The following AGGF1 variants were observed in gnomAD, a reference collection of about 807,000 sequenced individuals.
The protein encoded by AGGF1 is angiogenic factor with G patch and FHA domains 1.
In AGGF1, 56 loss-of-function variants were observed where a neutral mutation model predicts 86.5. That is an observed-to-expected ratio of 0.65 (90% CI 0.52 to 0.81). AGGF1 has a LOEUF of 0.81. Ranked by LOEUF, AGGF1 falls within the 30% of genes least tolerant of loss-of-function variation. The pLI is 0.00. For synonymous variants in AGGF1, 313 were observed against 297.1 expected, an observed-to-expected ratio of 1.05 and a Z score of -0.55; for missense variants, 816 against 850.9, an observed-to-expected ratio of 0.96 and a Z score of 0.51.
intron 5 of AGGF1, among the ~76,000 whole-genome samples, chr5:77,041,753 T>C (rs1365042466): frequency 6.6e-6 from 1 of 150,990 alleles, no homozygotes; most frequent in Non-Finnish European, 1.5e-5. Flanking sequence ...CATTCTTCTT[T>C]GAAAATGTGC....
chr5:77,048,796 G>A (rs1258917076), intron 7 of AGGF1, 140 bp from the exon 8 acceptor site: 2 of 810,454 alleles, frequency 2.5e-6, no homozygotes, highest in East Asian at 2.5e-5. Context: ...TAGCAGTAAG[G>A]AAACTGGATA....
chr5:77,063,458 G>C lies in AGGF1; in HGVS notation c.*206G>C. The C allele has an allele frequency of 3.4e-6, 2 of 582,032 alleles. No individual in the cohort carries two copies. The highest frequency in any genetic ancestry group is 6.1e-6 in the Non-Finnish European group (2 of 330,560). The allele number at this position is 582,032 out of a possible 1,614,324, so 36.1% of individuals were successfully genotyped here. ...ACTGAACCAATTTATGCAGTAAATAGACTAAAGTTCACAGGGCACGGATGA... is the reference window on the plus strand; with the variant it reads ...ACTGAACCAATTTATGCAGTAAATACACTAAAGTTCACAGGGCACGGATGA... On this transcript the variant is annotated 3_prime_UTR_variant, in exon 14 of 14. Coordinates refer to ENST00000312916, the MANE Select transcript of AGGF1 (RefSeq NM_018046.5).
chr5:77,031,268 T>G (rs1746845957), intron 1 of AGGF1, among the ~76,000 whole-genome samples: 2 of 152,234 alleles, frequency 1.3e-5, no homozygotes, highest in South Asian at 4.1e-4. Context: ...GTAGGCGCAT[T>G]TACTGTAGAT....
At position 77,064,356 on chromosome 5, in the gene AGGF1, A is replaced by G. The variant is rs1321623044; in HGVS notation, c.*1104A>G. ...TTTTCTGGCAGTGAATGTAAGCTCT[A>G]GCTCCCCCATCTACTATAAAGAAAT... On this transcript the variant is annotated 3_prime_UTR_variant, in exon 14 of 14. Coordinates refer to ENST00000312916, the MANE Select transcript of AGGF1 (RefSeq NM_018046.5). The G allele has an allele frequency of 6.6e-6, 1 of 152,208 alleles. No homozygotes were observed. Among genetic ancestry groups the G allele is most frequent in the Non-Finnish European group, 1.5e-5 (1 of 68,040 alleles). The allele number at this position is 152,208 out of a possible 1,614,324, so 9.4% of individuals were successfully genotyped here.
intron 13 of AGGF1, 43 bp downstream of exon 13, chr5:77,061,845 A>T (rs776463822): frequency 6.4e-7 from 1 of 1,559,376 alleles, no homozygotes; most frequent in Non-Finnish European, 8.8e-7. Context: ...CCTAGAGCAG[A>T]CATTTACCGT....
At position 77,036,652 on chromosome 5, in the gene AGGF1, A is replaced by G. The variant is rs1381910858; in HGVS notation, c.613A>G (p.Thr205Ala). ...TGCAGCAGAAGCGGCTGTATCACAGACTGGATTTAGTTATGATGAAAATAC... is the reference window on the plus strand; with the variant it reads ...TGCAGCAGAAGCGGCTGTATCACAGGCTGGATTTAGTTATGATGAAAATAC... ...RAAAEAAVSQ[T>A]GFSYDENTGL... Residue 205 changes from threonine (T) to alanine (A), a missense_variant, in exon 4 of 14, where the codon ACT becomes GCT. This residue lies in a region of AGGF1 where 11 missense variants were observed against 30.7 expected (regional missense o/e 0.36). Coordinates refer to ENST00000312916, the MANE Select transcript of AGGF1 (RefSeq NM_018046.5). The G allele has an allele frequency of 1.2e-6, 2 of 1,613,724 alleles. No individual in the cohort carries two copies. The highest frequency in any genetic ancestry group is 1.7e-6 in the Non-Finnish European group (2 of 1,180,010).
Position 77,046,382 on chromosome 5 carries a change from TGAAC to T in AGGF1, c.907_910del (p.Glu303IlefsTer13). 6.2e-7 allele frequency: 1 copy of T among 1,613,830 alleles called. No homozygotes were observed. The highest frequency in any genetic ancestry group is 8.5e-7 in the Non-Finnish European group (1 of 1,179,972). On this transcript the variant is annotated frameshift_variant, in exon 6 of 14. Coordinates refer to ENST00000312916, the MANE Select transcript of AGGF1 (RefSeq NM_018046.5). LOFTEE classifies it high-confidence loss of function. ...CAGAGGATCAAAAAGCCTTCAGTGT[TGAAC>T]ATACAAGCTGCAATGAGGAAGAAAA...
Position 77,061,802 on chromosome 5 carries a change from G to A in AGGF1, c.1944G>A (p.Pro648=), listed in dbSNP as rs746859332. 1.2e-5 allele frequency: 19 copies of A among 1,608,618 alleles called. No homozygotes were observed. Among genetic ancestry groups the A allele is most frequent in the Admixed American group, 3.3e-5 (2 of 59,982 alleles). The change falls in exon 13 of 14, where the codon CCG becomes CCA. Residue 648 remains proline, a splice_region_variant and synonymous_variant. Coordinates refer to ENST00000312916, the MANE Select transcript of AGGF1 (RefSeq NM_018046.5). Reference sequence around the variant, plus strand: ...AGGATGGTGGAGGAATGAAAACGCCGGTAAGACTTGGATTTTCTTTTATTC... The same window carrying A: ...AGGATGGTGGAGGAATGAAAACGCCAGTAAGACTTGGATTTTCTTTTATTC... ...LGKDGGGMKT[P]IQLQLRRTHA...
Position 77,058,434 on chromosome 5 carries a change from CT to C in AGGF1, c.1717-1181del, listed in dbSNP as rs1747494852. On this transcript the variant is annotated intron_variant, in intron 11 of 13. Transcript: ENST00000312916. ...TTGCTGCCAAAATAACATATTTTTT[CT>C]GTCAAATTGTATCTTTCGTTGTTGT... 2.0e-5 allele frequency among the ~76,000 whole-genome samples: 3 copies of C among 152,042 alleles called. No individual in the cohort carries two copies. The South Asian group carries it at 6.2e-4, about 31-fold the overall frequency.
chr5:77,051,820 G>A (rs1747376860), intron 8 of AGGF1, among the ~76,000 whole-genome samples: 1 of 152,192 alleles, frequency 6.6e-6, no homozygotes, highest in African/African-American at 2.4e-5. Context: ...TCAGAAGGAT[G>A]GGTGGATAGA....
At chr5:77,046,986 T>A (rs574995659) in intron 6 of AGGF1, among the ~76,000 whole-genome samples, 49 of 152,354 alleles carry the variant, frequency 3.2e-4, no homozygotes, top group African/African-American at 1.1e-3. Context: ...GTTAGATATT[T>A]GTAGTCTACT....
At chr5:77,047,067 A>G (rs902952986) in intron 6 of AGGF1, among the ~76,000 whole-genome samples, 1 of 152,186 alleles carries the variant, frequency 6.6e-6, no homozygotes, top group Non-Finnish European at 1.5e-5. Context: ...CATGGATATT[A>G]TGGTAAATCT....
rs1746813684 is a variant in AGGF1 at position 77,030,405 on chromosome 5, C to T, written c.-362C>T. The T allele has an allele frequency of 6.1e-6, 3 of 493,674 alleles. No homozygotes were observed. Among genetic ancestry groups the T allele is most frequent in the Non-Finnish European group, 7.9e-6 (2 of 252,386 alleles). The allele number at this position is 493,674 out of a possible 1,614,324, so 30.6% of individuals were successfully genotyped here. On this transcript the variant is annotated 5_prime_UTR_variant, in exon 1 of 14. Transcript: ENST00000312916. ...GTCTTGGTCCCGCCTGCCGCTGGCG[C>T]CGTTGTTTCCGGCTCAACTGGGGAG...
At position 77,059,676 on chromosome 5, in the gene AGGF1, A is replaced by C. The variant is rs1474310926; in HGVS notation, c.1777A>C (p.Lys593Gln). 1 of 1,613,750 alleles carries C rather than the reference A, an allele frequency of 6.2e-7. No individual in the cohort carries two copies. Among genetic ancestry groups the C allele is most frequent in the Non-Finnish European group, 8.5e-7 (1 of 1,179,700 alleles). The change falls in exon 12 of 14, where the codon AAA becomes CAA. Residue 593 changes from lysine (K) to glutamine (Q), a missense_variant. Lys to Gln is a moderately conservative substitution (Grantham distance 53, BLOSUM62 1). Transcript: ENST00000312916. ...KNPKYKDRAG[K>Q]RREQVGSEGT... ...TCCAAAATATAAAGATAGAGCTGGAAAACGTAGGGAGCAGGTTGGAAGTGA... is the reference window on the plus strand; with the variant it reads ...TCCAAAATATAAAGATAGAGCTGGACAACGTAGGGAGCAGGTTGGAAGTGA...
At chr5:77,058,321 T>C (rs1488706602) in intron 11 of AGGF1, among the ~76,000 whole-genome samples, 2 of 152,234 alleles carry the variant, frequency 1.3e-5, no homozygotes, top group Non-Finnish European at 2.9e-5. Flanking sequence ...GTAGCCCAGC[T>C]ATTAAATTGT....
rs1217910082 is a variant in AGGF1 at position 77,034,538 on chromosome 5, A to G, written c.313+18A>G. ...AATCTCAGGTATTTAGCTTATAGTG[A>G]GGATATGCTAACACTGTTACATTCA... On this transcript the variant is annotated intron_variant, in intron 2 of 13. Coordinates refer to ENST00000312916, the MANE Select transcript of AGGF1 (RefSeq NM_018046.5). The G allele has an allele frequency of 6.8e-7, 1 of 1,478,478 alleles. No individual in the cohort carries two copies. Among genetic ancestry groups the G allele is most frequent in the Admixed American group, 1.7e-5 (1 of 59,844 alleles). The allele number at this position is 1,478,478 out of a possible 1,614,324, so 91.6% of individuals were successfully genotyped here.
In AGGF1 at chr5:77,030,581, G is replaced by A; in HGVS notation, c.-186G>A. On this transcript the variant is annotated 5_prime_UTR_variant, in exon 1 of 14. Transcript: ENST00000312916. ...GGGGCCATCCTCGGTCCCCTTGCTC[G>A]TTGCTCGCAGCCCCGTTCGGCTACA... 1.3e-6 allele frequency: 1 copy of A among 749,292 alleles called. No homozygotes were observed. Among genetic ancestry groups the A allele is most frequent in the African/African-American group, 1.7e-5 (1 of 58,010 alleles). 46.4% of individuals were successfully genotyped at this position (749,292 alleles called of 1,614,324 possible).
chr5:77,043,123 C>T (rs866989597), intron 5 of AGGF1, among the ~76,000 whole-genome samples: 12 of 52,916 alleles, frequency 2.3e-4, no homozygotes, highest in East Asian at 7.1e-4. Context: ...GGCGGCTGGC[C>T]GGGCGGAGGG....
At chr5:77,050,306 C>CTTTTTTTT (rs10595061) in intron 8 of AGGF1, among the ~76,000 whole-genome samples, 666 of 76,596 alleles carry the variant, frequency 8.7e-3, no homozygotes, top group African/African-American at 0.015. Context: ...TTCTTTGTTT[C>CTTTTTTTT]TTTTTTTTTT....
Sources: allele counts gnomAD v4.1 joint callset (sites outside exome capture counted in the v4.1 genomes callset), GRCh38; gene constraint gnomAD v4.1.1; regional missense constraint gnomAD v4.1.1; transcripts MANE v1.5; gene names NCBI Gene and HGNC (gene_info 2026-07-23, HGNC 2026-07-21).